Variants in RUNX1 observed in about 807,000 individuals in gnomAD.
RUNX1 encodes the protein RUNX family transcription factor 1.
RUNX1 carries 19 observed loss-of-function variants against 42.8 expected under a neutral mutation model. That is an observed-to-expected ratio of 0.44 (90% CI 0.31 to 0.65). The LOEUF (loss-of-function observed/expected upper bound fraction) is 0.65, where lower values mean the gene tolerates loss of function less well. Ranked by LOEUF, RUNX1 falls within the 30% of genes least tolerant of loss-of-function variation. The probability of loss-of-function intolerance (pLI) is 0.07; values close to 1 mark genes in which losing one functional copy is unlikely to be tolerated. For missense variants in RUNX1, 528 were observed against 672.0 expected (o/e 0.79, Z 2.37); for synonymous variants, 271 against 289.4 (o/e 0.94, Z 0.64).
intron 3 of RUNX1, among the ~76,000 whole-genome samples, chr21:34,890,237 C>A (rs1251650981): frequency 6.6e-6 from 1 of 151,856 alleles, no homozygotes; most frequent in African/African-American, 2.4e-5. Context: ...CCCTGGACGC[C>A]GCGCGCAGTC....
intron 2 of RUNX1, among the ~76,000 whole-genome samples, chr21:34,990,753 GGCTAATTT>G (rs2058930916): frequency 1.3e-5 from 2 of 151,860 alleles, no homozygotes; most frequent in African/African-American, 2.4e-5. Flanking sequence ...CACCACGCCT[GGCTAATTT>G]TTGTATTTTT....
chr21:34,848,140 C>T (rs1168706731), intron 6 of RUNX1, among the ~76,000 whole-genome samples: 1 of 152,188 alleles, frequency 6.6e-6, no homozygotes, highest in Non-Finnish European at 1.5e-5. Flanking sequence ...TCAATCCGCA[C>T]AATAATCCCC....
At position 34,792,497 on chromosome 21, in the gene RUNX1, T is replaced by C; in HGVS notation, c.1081A>G (p.Thr361Ala). 1.3e-6 allele frequency: 2 copies of C among 1,596,220 alleles called. No individual in the cohort carries two copies. Among genetic ancestry groups the C allele is most frequent in the South Asian group, 2.3e-5 (2 of 88,412 alleles). The change falls in exon 9 of 9, where the codon ACC (threonine) becomes GCC (alanine). Residue 361 changes from threonine to alanine, a missense_variant. Transcript: ENST00000675419. The surrounding 1 kb of genome is among the most constrained non-coding windows in gnomAD (Gnocchi z 6.9). ...GAFTYSPTPV[T>A]SGIGIGMSAM... ...GACATGCCGATGCCGATGCCCGAGG[T>C]GACCGGCGTCGGGGAGTAGGTGAAG...
chr21:34,960,744 A>G lies in RUNX1; in HGVS notation c.59-67781T>C, dbSNP rs369505103. Among the ~76,000 whole-genome samples the G allele has an allele frequency of 2.6e-5, 4 of 152,276 alleles. No individual in the cohort carries two copies. The East Asian group carries it at 7.7e-4, about 29-fold the overall frequency. On this transcript the variant is annotated intron_variant, in intron 2 of 8. Coordinates refer to ENST00000675419, the MANE Select transcript of RUNX1 (RefSeq NM_001754.5). ...ATAATTTTTACCCCAAGAATCCCTT[A>G]TGGTGCTGGCTGTGACCGATGAACA...
chr21:34,979,339 T>G (rs1466605021), intron 2 of RUNX1, among the ~76,000 whole-genome samples: 2 of 152,224 alleles, frequency 1.3e-5, no homozygotes, highest in Non-Finnish European at 2.9e-5. Flanking sequence ...GCTTTTTTTT[T>G]TTGTTTGCAT....
intron 2 of RUNX1, among the ~76,000 whole-genome samples, chr21:34,976,284 T>C (rs112734844): frequency 0.018 from 2,770 of 152,306 alleles, 85 homozygotes; most frequent in African/African-American, 0.063. Flanking sequence ...TATCATCAAC[T>C]GCCTTTCCCA....
At chr21:35,014,704 C>T (rs933159879) in intron 2 of RUNX1, among the ~76,000 whole-genome samples, 9 of 152,258 alleles carry the variant, frequency 5.9e-5, no homozygotes, top group Non-Finnish European at 2.9e-5. Context: ...GGAGCTTCCT[C>T]CATGGGCACT....
chr21:34,929,975 A>G (rs1166837842), intron 2 of RUNX1, among the ~76,000 whole-genome samples: 1 of 151,918 alleles, frequency 6.6e-6, no homozygotes, highest in Non-Finnish European at 1.5e-5. Context: ...GCAAAAGAAT[A>G]AGATACAACT....
chr21:34,967,493 G>T (rs1458493513), intron 2 of RUNX1, among the ~76,000 whole-genome samples: 1 of 151,626 alleles, frequency 6.6e-6, no homozygotes, highest in Non-Finnish European at 1.5e-5. Flanking sequence ...CTGAACACAG[G>T]ATCTCAGTGT....
At chr21:34,989,713 C>A (rs1042918098) in intron 2 of RUNX1, among the ~76,000 whole-genome samples, 1 of 152,180 alleles carries the variant, frequency 6.6e-6, no homozygotes, top group Non-Finnish European at 1.5e-5. Flanking sequence ...ATTTAAATGT[C>A]TTTGTGCTGC....
chr21:34,866,993 G>C (rs78697966), intron 5 of RUNX1, among the ~76,000 whole-genome samples: 1,782 of 152,324 alleles, frequency 0.012, 29 homozygotes, highest in African/African-American at 0.041. Context: ...GAAAACCGAA[G>C]ACATGCAAAG....
intron 2 of RUNX1, among the ~76,000 whole-genome samples, chr21:34,935,371 T>C (rs9976231): frequency 0.074 from 11,218 of 152,270 alleles, 577 homozygotes; most frequent in African/African-American, 0.13. Context: ...GTGCCTGGTT[T>C]CTTAGTTTCT....
At chr21:34,823,239 C>G (rs565290702) in intron 7 of RUNX1, among the ~76,000 whole-genome samples, 1 of 152,310 alleles carries the variant, frequency 6.6e-6, no homozygotes, top group South Asian at 2.1e-4. Context: ...GCTTTTATGA[C>G]ATCAACTGAA....
intron 2 of RUNX1, among the ~76,000 whole-genome samples, chr21:34,949,626 C>T (rs779769821): frequency 2.0e-5 from 3 of 152,206 alleles, no homozygotes; most frequent in East Asian, 1.9e-4. Flanking sequence ...AGTAAAACCA[C>T]GAAGGTAGCT....
At chr21:34,793,818 C>T (rs2056486150) in intron 8 of RUNX1, among the ~76,000 whole-genome samples, 1 of 151,990 alleles carries the variant, frequency 6.6e-6, no homozygotes, top group African/African-American at 2.4e-5. Flanking sequence ...ATTCTACTGC[C>T]TCAGCCTCCC....
intron 6 of RUNX1, among the ~76,000 whole-genome samples, chr21:34,838,408 A>T (rs1037535932): frequency 6.6e-6 from 1 of 152,218 alleles, no homozygotes; most frequent in Non-Finnish European, 1.5e-5. Context: ...CAGAAAAATG[A>T]GGAAGGTATA....
At chr21:34,794,365 C>A (rs1373204092) in intron 8 of RUNX1, among the ~76,000 whole-genome samples, 1 of 152,146 alleles carries the variant, frequency 6.6e-6, no homozygotes, top group Non-Finnish European at 1.5e-5. Context: ...CATTACCACT[C>A]CTCCTCTCCA....
chr21:34,965,277 C>T (rs994470439), intron 2 of RUNX1, among the ~76,000 whole-genome samples: 1 of 152,050 alleles, frequency 6.6e-6, no homozygotes, highest in African/African-American at 2.4e-5. Context: ...GATCTGAGTG[C>T]CCTATAATCC....
intron 6 of RUNX1, among the ~76,000 whole-genome samples, chr21:34,840,649 C>G (rs1392122591): frequency 6.6e-6 from 1 of 152,124 alleles, no homozygotes; most frequent in Non-Finnish European, 1.5e-5. Context: ...CCAAGTCTAG[C>G]TGTCAGGTTG....
Sources: gnomAD v4.1 joint callset for allele counts (sites outside exome capture counted in the v4.1 genomes callset) on GRCh38, gnomAD v4.1.1 for gene constraint, Gnocchi (gnomAD v3.1) non-coding constraint, MANE v1.5 for transcripts, NCBI Gene and HGNC (gene_info 2026-07-23, HGNC 2026-07-21) for gene names.